Variants in ZBED6 observed in about 807,000 individuals in gnomAD.
ZBED6 encodes zinc finger BED-type containing 6.
Under a neutral mutation model 58.4 loss-of-function variants are expected in ZBED6, and 40 were observed. That is an observed-to-expected ratio of 0.68 (90% CI 0.53 to 0.89). The LOEUF is 0.89. Among genes scored for constraint, ZBED6 ranks in the 40% least tolerant of loss-of-function variants. ZBED6 has a pLI of 0.00. For synonymous variants in ZBED6, 439 were observed against 350.6 expected (o/e 1.25, Z -2.82); for missense variants, 1,057 against 1,003.9 (o/e 1.05, Z -0.71).
rs1572382447 is a variant in ZBED6, at chr1:203,850,756, A to G, written c.*4805+75A>G. The G allele has an allele frequency of 2.6e-6, 4 of 1,544,812 alleles. No homozygotes were observed. In the East Asian group the frequency reaches 7.2e-5, roughly 28 times the overall value. On this transcript the variant is annotated intron_variant, in intron 15 of 16. Transcript: ENST00000550078. ...CAGGAAAGACTAACTCTCCACTAGC[A>G]TTCTATCTTGAGTATATCACTTCCT...
rs1445307666 is a variant in ZBED6 at position 203,796,351 on chromosome 1, T to G, written c.-1172T>G. 2.5e-6 allele frequency: 1 copy of G among 398,514 alleles called. No homozygotes were observed. The highest frequency in any genetic ancestry group is 2.1e-5 in the African/African-American group (1 of 48,492). 24.7% of individuals were successfully genotyped at this position (398,514 alleles called of 1,614,324 possible). On this transcript the variant is annotated 5_prime_UTR_variant, in exon 1 of 17. In the 5' UTR this introduces an upstream ATG that the reference lacks. Transcript: ENST00000550078. Reference sequence around the variant, plus strand: ...ACATACAGAAAGCCACCGACCTTATTCCGGTATCCTACACCCATTCCCCAC... The same window carrying G: ...ACATACAGAAAGCCACCGACCTTATGCCGGTATCCTACACCCATTCCCCAC...
exon 1 of ZBED6, chr1:203,798,462 C>T (rs1669393001): frequency 6.5e-7 from 1 of 1,536,016 alleles, no homozygotes; most frequent in Admixed American, 2.0e-5. Flanking sequence ...GCAAGCCACA[C>T]ATCCTATCCA....
intron 13 of ZBED6, 113 bp from the exon 14 acceptor site, chr1:203,849,598 C>A (rs1688781306): frequency 9.8e-7 from 1 of 1,015,602 alleles, no homozygotes; most frequent in Non-Finnish European, 1.5e-6. Context: ...GCTTTTCTCT[C>A]AGATTCTGGA....
exon 1 of ZBED6, chr1:203,796,685 A>G (rs947937628): frequency 6.1e-5 from 23 of 379,352 alleles, no homozygotes; most frequent in Non-Finnish European, 9.8e-5. Context: ...ACTTTTTGCT[A>G]TCTCTATAGC....
intron 3 of ZBED6, among the ~76,000 whole-genome samples, chr1:203,821,373 C>G (rs1003305800): frequency 1.3e-5 from 2 of 152,000 alleles, no homozygotes; most frequent in Non-Finnish European, 2.9e-5. Flanking sequence ...TGAAAATGGA[C>G]TAATACATGT....
chr1:203,811,385 C>T (rs900781589), intron 1 of ZBED6, among the ~76,000 whole-genome samples: 2 of 152,210 alleles, frequency 1.3e-5, no homozygotes, highest in African/African-American at 4.8e-5. Context: ...CATTTCATAG[C>T]TACCATTTCA....
intron 1 of ZBED6, among the ~76,000 whole-genome samples, chr1:203,803,392 T>A (rs746001517): frequency 1.3e-5 from 2 of 151,964 alleles, no homozygotes; most frequent in African/African-American, 4.8e-5. Flanking sequence ...AGTTTCACCA[T>A]CTTGGCCAGG....
chr1:203,797,373 C>G (rs1668891075), exon 1 of ZBED6: 7 of 690,522 alleles, frequency 1.0e-5, no homozygotes, highest in Non-Finnish European at 1.5e-5. Flanking sequence ...CCAAAAATAA[C>G]CTGGCTTGGA....
In ZBED6 at chr1:203,851,115, C is replaced by G. The variant is rs183932817; in HGVS notation, c.*4864C>G. The G allele has an allele frequency of 7.4e-6, 12 of 1,614,138 alleles. No individual in the cohort carries two copies. Among genetic ancestry groups the G allele is most frequent in the Admixed American group, 3.3e-5 (2 of 60,014 alleles). ...GTCACTGTGCCTGAAGCAGAAAATCCTAGAGACAGGTAATACTTTGTAATT... is the reference window on the plus strand; with the variant it reads ...GTCACTGTGCCTGAAGCAGAAAATCGTAGAGACAGGTAATACTTTGTAATT... On this transcript the variant is annotated 3_prime_UTR_variant, in exon 16 of 17. Coordinates refer to ENST00000550078, the Ensembl canonical transcript of ZBED6.
At chr1:203,840,632 A>ATTTAT (rs1685810836) in intron 11 of ZBED6, among the ~76,000 whole-genome samples, 1 of 150,942 alleles carries the variant, frequency 6.6e-6, no homozygotes, top group Non-Finnish European at 1.5e-5. Context: ...TTATTTATTT[A>ATTTAT]TTTATTTTAT....
intron 15 of ZBED6, 79 bp from the exon 16 acceptor site, chr1:203,850,978 G>A (rs1689106759): frequency 1.3e-6 from 2 of 1,503,454 alleles, no homozygotes; most frequent in Admixed American, 3.6e-5. Context: ...ACAATTCTAA[G>A]AAGGCAGCAA....
exon 1 of ZBED6, chr1:203,796,116 C>A: frequency 6.1e-6 from 1 of 164,046 alleles, no homozygotes; most frequent in Non-Finnish European, 1.3e-5. Context: ...GTTCGCTAAT[C>A]TCGAGGAGCC....
At chr1:203,815,400 T>A (rs1235410625) in intron 1 of ZBED6, among the ~76,000 whole-genome samples, 5 of 124,814 alleles carry the variant, frequency 4.0e-5, no homozygotes, top group African/African-American at 1.5e-4. Context: ...TTTTTTTTTT[T>A]AAGAGATGGG....
At chr1:203,801,157 T>C (rs1365605440) in exon 1 of ZBED6, 1 of 152,178 alleles carries the variant, frequency 6.6e-6, no homozygotes, top group African/African-American at 2.4e-5. Flanking sequence ...TCAAATAATT[T>C]ATGGGTAAAA....
exon 1 of ZBED6, chr1:203,797,842 C>T: frequency 6.5e-7 from 1 of 1,536,068 alleles, no homozygotes; most frequent in Non-Finnish European, 8.7e-7. Flanking sequence ...TCCAATGACC[C>T]TGAGCAGGAT....
chr1:203,842,238 C>G (rs555827791), intron 11 of ZBED6, among the ~76,000 whole-genome samples: 2 of 151,936 alleles, frequency 1.3e-5, no homozygotes, highest in Non-Finnish European at 2.9e-5. Flanking sequence ...CTTTGGGAGG[C>G]AAGGCAGGCG....
At chr1:203,840,322 T>C (rs779357349) in exon 11 of ZBED6, 1 of 1,612,782 alleles carries the variant, frequency 6.2e-7, no homozygotes, top group Middle Eastern at 1.7e-4. Flanking sequence ...TTTCCAAGTC[T>C]CTTAAGGAGC....
In ZBED6 at chr1:203,848,468, T is replaced by A. The variant is rs142717570; in HGVS notation, c.*4322+61T>A. 4.7e-4 allele frequency: 602 copies of A among 1,283,042 alleles called. 1 individual carries two copies. The African/African-American group carries it at 8.0e-3, about 17-fold the overall frequency. The allele number at this position is 1,283,042 out of a possible 1,614,324, so 79.5% of individuals were successfully genotyped here. A position where few individuals can be genotyped will look rare whatever the true frequency, so the allele number is the denominator to read the frequency against. ...CAAACAAAGGCTAGATAATTGGTAG[T>A]TTTACCTTACAATAAATTTCTAAGT... On this transcript the variant is annotated intron_variant, in intron 13 of 16. Transcript: ENST00000550078.
chr1:203,841,161 T>A (rs1324941947), intron 11 of ZBED6, among the ~76,000 whole-genome samples: 16 of 151,060 alleles, frequency 1.1e-4, no homozygotes, highest in South Asian at 2.1e-4. Flanking sequence ...TTTTTTATTT[T>A]TTTTTTTAGT....
Sources: gnomAD v4.1 joint callset for allele counts (sites outside exome capture counted in the v4.1 genomes callset) on GRCh38, gnomAD v4.1.1 for gene constraint, MANE v1.5 for transcripts, NCBI Gene and HGNC (gene_info 2026-07-23, HGNC 2026-07-21) for gene names.